Variants in PRDM6 observed in about 807,000 individuals in gnomAD.
The protein encoded by PRDM6 is PR/SET domain 6.
In PRDM6, 25 loss-of-function variants were observed where a neutral mutation model predicts 60.8. That is an observed-to-expected ratio of 0.41 (90% CI 0.30 to 0.57). The LOEUF (loss-of-function observed/expected upper bound fraction) is 0.57, where lower values mean the gene tolerates loss of function less well. Among genes scored for constraint, PRDM6 ranks in the 20% least tolerant of loss-of-function variants. The probability of loss-of-function intolerance (pLI) is 0.27; values close to 1 mark genes in which losing one functional copy is unlikely to be tolerated. For synonymous variants in PRDM6, 407 were observed against 357.4 expected (o/e 1.14, Z -1.57); for missense variants, 839 against 821.3 (o/e 1.02, Z -0.26).
At chr5:123,153,581 A>G (rs1250124185) in intron 3 of PRDM6, among the ~76,000 whole-genome samples, 2 of 152,206 alleles carry the variant, frequency 1.3e-5, no homozygotes, top group Non-Finnish European at 2.9e-5. Context: ...CATGTGCTAC[A>G]TTGTGTGATA....
intron 4 of PRDM6, among the ~76,000 whole-genome samples, chr5:123,158,174 A>G (rs1765548875): frequency 6.6e-6 from 1 of 152,224 alleles, no homozygotes; most frequent in African/African-American, 2.4e-5. Flanking sequence ...TAGCACATTC[A>G]TTTGCTGGGC....
At position 123,160,081 on chromosome 5, in the gene PRDM6, C is replaced by T. The variant is rs542909650; in HGVS notation, c.1153+443C>T. The stretch of plus-strand genomic sequence containing the variant: ...AATGACATTTAATCAGGGGTAACAC[C>T]CCTTTAGTTGATTGGGTGTGCTTCC... On this transcript the variant is annotated intron_variant, in intron 5 of 7. Transcript: ENST00000407847. Among the ~76,000 whole-genome samples, 14 of 152,270 alleles carry T rather than the reference C, an allele frequency of 9.2e-5. No homozygotes were observed. In the South Asian group the frequency reaches 2.5e-3, roughly 27 times the overall value.
chr5:123,144,779 T>A lies in PRDM6; in HGVS notation c.901-11105T>A, dbSNP rs921176539. Reference sequence around the variant, plus strand: ...CAAGGCATACTTTTGAAAGCAACATTGTATCCCATAGAATTCTCCCAGGGC... The same window carrying A: ...CAAGGCATACTTTTGAAAGCAACATAGTATCCCATAGAATTCTCCCAGGGC... On this transcript the variant is annotated intron_variant, in intron 3 of 7. Coordinates refer to ENST00000407847, the MANE Select transcript of PRDM6 (RefSeq NM_001136239.4). 4.6e-5 allele frequency among the ~76,000 whole-genome samples: 7 copies of A among 152,328 alleles called. No homozygotes were observed. In the South Asian group the frequency reaches 1.0e-3, roughly 23 times the overall value.
chr5:123,096,419 C>G (rs1453817198), intron 2 of PRDM6, among the ~76,000 whole-genome samples: 1 of 152,088 alleles, frequency 6.6e-6, no homozygotes, highest in Non-Finnish European at 1.5e-5. Flanking sequence ...TTGTCAATCC[C>G]AAGAAATGTT....
In PRDM6 at chr5:123,108,016, C is replaced by A. The variant is rs141807809; in HGVS notation, c.900+8055C>A. Among the ~76,000 whole-genome samples the A allele has an allele frequency of 9.6e-4, 146 of 152,176 alleles. 1 individual carries two copies. In the East Asian group the frequency reaches 0.026, roughly 27 times the overall value. ...GGTTTCTGTTAAGACTTAAAAGCTGCGTGGTTAGCTCTGACTTGGGTGAAC... is the reference window on the plus strand; with the variant it reads ...GGTTTCTGTTAAGACTTAAAAGCTGAGTGGTTAGCTCTGACTTGGGTGAAC... On this transcript the variant is annotated intron_variant, in intron 3 of 7. Coordinates refer to ENST00000407847, the MANE Select transcript of PRDM6 (RefSeq NM_001136239.4).
intron 7 of PRDM6, among the ~76,000 whole-genome samples, chr5:123,183,788 A>T (rs1052156946): frequency 6.6e-6 from 1 of 152,118 alleles, no homozygotes; most frequent in Non-Finnish European, 1.5e-5. Flanking sequence ...AAATTATTCT[A>T]TGCAGCAAGG....
intron 3 of PRDM6, among the ~76,000 whole-genome samples, chr5:123,106,489 T>C (rs1764200027): frequency 6.6e-6 from 1 of 152,210 alleles, no homozygotes; most frequent in Non-Finnish European, 1.5e-5. Flanking sequence ...AGTACGAGGC[T>C]GTCAGAACTG....
At chr5:123,132,548 A>G (rs1221298146) in intron 3 of PRDM6, among the ~76,000 whole-genome samples, 1 of 151,980 alleles carries the variant, frequency 6.6e-6, no homozygotes, top group Non-Finnish European at 1.5e-5. Flanking sequence ...CTGGTGAAGC[A>G]CTCTCCAAGT....
rs2126896203 is a variant in PRDM6, at chr5:123,187,920, A to G, written c.*719A>G. 1 of 152,356 alleles carries G rather than the reference A, an allele frequency of 6.6e-6. No homozygotes were observed. Among genetic ancestry groups the G allele is most frequent in the Non-Finnish European group, 1.5e-5 (1 of 68,030 alleles). The allele number at this position is 152,356 out of a possible 1,614,324, so 9.4% of individuals were successfully genotyped here. On this transcript the variant is annotated 3_prime_UTR_variant, in exon 8 of 8. Coordinates refer to ENST00000407847, the MANE Select transcript of PRDM6 (RefSeq NM_001136239.4). ...TCCTGTCAAGATTGCAAGAACATGTAAAATGTACGGAGCTTCATAATACGT... is the reference window on the plus strand; with the variant it reads ...TCCTGTCAAGATTGCAAGAACATGTGAAATGTACGGAGCTTCATAATACGT...
chr5:123,119,959 AT>A (rs1764543816), intron 3 of PRDM6, among the ~76,000 whole-genome samples: 1 of 152,132 alleles, frequency 6.6e-6, no homozygotes, highest in Admixed American at 6.5e-5. Flanking sequence ...ATTTATTTGC[AT>A]TTTTTAACTT....
chr5:123,176,135 G>GTAC (rs1288620277), intron 6 of PRDM6, among the ~76,000 whole-genome samples: 2 of 152,190 alleles, frequency 1.3e-5, no homozygotes, highest in Non-Finnish European at 2.9e-5. Flanking sequence ...AAGTAAAATA[G>GTAC]TACTTCAGTT....
intron 4 of PRDM6, among the ~76,000 whole-genome samples, chr5:123,156,343 C>T (rs1041660521): frequency 1.1e-4 from 16 of 152,170 alleles, no homozygotes; most frequent in African/African-American, 3.9e-4. Flanking sequence ...CAGTCGTCTT[C>T]ACACAGATAA....
intron 3 of PRDM6, among the ~76,000 whole-genome samples, chr5:123,100,806 T>C (rs543354747): frequency 1.1e-3 from 170 of 152,292 alleles, no homozygotes; most frequent in African/African-American, 4.0e-3. Flanking sequence ...ATTATTGAGG[T>C]TCACTTCTGA....
rs190211201 is a variant in PRDM6 at position 123,128,550 on chromosome 5, G to A, written c.901-27334G>A. On this transcript the variant is annotated intron_variant, in intron 3 of 7. Transcript: ENST00000407847. ...ATGAGGATTTTTTCATGTGTCGTTTGGCTGCATAAATGTCTTCTTTTGAGA... is the reference window on the plus strand; with the variant it reads ...ATGAGGATTTTTTCATGTGTCGTTTAGCTGCATAAATGTCTTCTTTTGAGA... 2.3e-3 allele frequency among the ~76,000 whole-genome samples: 344 copies of A among 152,302 alleles called. 2 individuals carry two copies. Among genetic ancestry groups the A allele is most frequent in the Non-Finnish European group, 4.0e-3 (271 of 68,028 alleles).
At chr5:123,186,951 C>T in intron 7 of PRDM6, 136 bp from the exon 8 acceptor site, 1 of 629,944 alleles carries the variant, frequency 1.6e-6, no homozygotes, top group Non-Finnish European at 2.8e-6. Flanking sequence ...TGGAAGGAGC[C>T]ACCAATTAAA....
chr5:123,175,369 G>T, intron 6 of PRDM6, among the ~76,000 whole-genome samples: 1 of 152,192 alleles, frequency 6.6e-6, no homozygotes, highest in South Asian at 2.1e-4. Flanking sequence ...GTTTGTAAGA[G>T]ATGTGGTGGG....
intron 3 of PRDM6, among the ~76,000 whole-genome samples, chr5:123,151,241 A>G (rs1286654581): frequency 6.6e-6 from 1 of 152,122 alleles, no homozygotes; most frequent in Non-Finnish European, 1.5e-5. Flanking sequence ...GGAGCATGGG[A>G]GAGGGCGTCT....
intron 2 of PRDM6, among the ~76,000 whole-genome samples, chr5:123,095,528 A>C (rs931289035): frequency 2.0e-5 from 3 of 152,216 alleles, no homozygotes; most frequent in African/African-American, 7.2e-5. Context: ...CGCACGCGGC[A>C]CTGCCAGCAG....
chr5:123,178,200 G>GA (rs35422558), intron 6 of PRDM6, among the ~76,000 whole-genome samples: 1 of 151,354 alleles, frequency 6.6e-6, no homozygotes, highest in Non-Finnish European at 1.5e-5. Flanking sequence ...AGCAGAGTTA[G>GA]AAAAAAAAGA....
Sources: allele counts gnomAD v4.1 joint callset (sites outside exome capture counted in the v4.1 genomes callset), GRCh38; gene constraint gnomAD v4.1.1; transcripts MANE v1.5; gene names NCBI Gene and HGNC (gene_info 2026-07-23, HGNC 2026-07-21).